GAPT: variants seen among roughly 807,000 people sequenced by gnomAD.
The protein encoded by GAPT is protein GAPT.
For synonymous variants in GAPT, 82 were observed against 69.7 expected (o/e 1.18, Z -0.88); for missense variants, 206 against 189.2 (o/e 1.09, Z -0.52).
In GAPT at chr5:58,494,822, G is replaced by C; in HGVS notation, c.286G>C (p.Val96Leu). Residue 96 changes from valine (V) to leucine (L), a missense_variant, in exon 3 of 3, where the codon GTG (valine) becomes CTG (leucine). Coordinates refer to ENST00000502276, the MANE Select transcript of GAPT (RefSeq NM_001304431.2). ...TAACACACACGACAACTATGAAAAT[G>C]TGGAAGCAGGTCCTCCCAAAGCTAA... is the stretch of plus-strand genomic sequence containing the variant. ...GNNTHDNYEN[V>L]EAGPPKAKGK... is the part of the protein sequence containing the mutation. 1 of 1,614,040 alleles carries C rather than the reference G, an allele frequency of 6.2e-7. No individual in the cohort carries two copies. The highest frequency in any genetic ancestry group is 8.5e-7 in the Non-Finnish European group (1 of 1,179,990).
Position 58,494,866 on chromosome 5 carries a change from A to T in GAPT, c.330A>T (p.Glu110Asp), listed in dbSNP as rs147191680. 8,171 of 1,613,998 alleles carry T rather than the reference A, an allele frequency of 5.1e-3. 39 individuals are homozygous for T. The highest frequency in any genetic ancestry group is 9.3e-3 in the South Asian group (847 of 91,086). The change falls in exon 3 of 3, where the codon GAA becomes GAT. Residue 110 changes from glutamate (E) to aspartate (D), a missense_variant. Glu to Asp is a conservative substitution (Grantham distance 45). Coordinates refer to ENST00000502276, the MANE Select transcript of GAPT (RefSeq NM_001304431.2). ...AAGCTAAAGGAAAAACCGATAAGGA[A>T]CTATATGAAAACACAGGGCAGTCTA... ...PPKAKGKTDK[E>D]LYENTGQSNF...
intron 1 of GAPT, among the ~76,000 whole-genome samples, chr5:58,492,898 AAT>A (rs1387381855): frequency 1.3e-5 from 2 of 152,196 alleles, no homozygotes; most frequent in Non-Finnish European, 2.9e-5. Flanking sequence ...AAAGGTAAAT[AAT>A]ATATGATTTC....
chr5:58,494,328 G>A lies in GAPT; in HGVS notation c.-209G>A, dbSNP rs949552045. The A allele has an allele frequency of 1.2e-5, 6 of 518,642 alleles. No homozygotes were observed. Among genetic ancestry groups the A allele is most frequent in the Admixed American group, 3.5e-5 (1 of 28,318 alleles). 32.1% of individuals were successfully genotyped at this position (518,642 alleles called of 1,614,324 possible). Reference sequence around the variant, plus strand: ...CTGTAATGTGAAGAGCATCACACACGAAGAGAGCCATCTTCCAGAAATAAG... The same window carrying A: ...CTGTAATGTGAAGAGCATCACACACAAAGAGAGCCATCTTCCAGAAATAAG... On this transcript the variant is annotated 5_prime_UTR_variant, in exon 3 of 3. Transcript: ENST00000502276.
chr5:58,493,247 T>C (rs2111765620), intron 1 of GAPT, among the ~76,000 whole-genome samples: 2 of 152,304 alleles, frequency 1.3e-5, no homozygotes, highest in East Asian at 1.9e-4. Flanking sequence ...ACAGGCACTG[T>C]TGGATCTATG....
Position 58,494,392 on chromosome 5 carries a change from C to T in GAPT, c.-145C>T, listed in dbSNP as rs77909786. The T allele has an allele frequency of 1.7e-5, 11 of 639,544 alleles. No homozygotes were observed. The highest frequency in any genetic ancestry group is 3.0e-5 in the Non-Finnish European group (11 of 372,592). 39.6% of individuals were successfully genotyped at this position (639,544 alleles called of 1,614,324 possible). Reference sequence around the variant, plus strand: ...TCCTCTAATTGCATCAGGACTTTACCAGATAATGTTCTTCCAGATCTGAAA... The same window carrying T: ...TCCTCTAATTGCATCAGGACTTTACTAGATAATGTTCTTCCAGATCTGAAA... On this transcript the variant is annotated 5_prime_UTR_variant, in exon 3 of 3. Coordinates refer to ENST00000502276, the MANE Select transcript of GAPT (RefSeq NM_001304431.2).
Position 58,494,779 on chromosome 5 carries a change from A to G in GAPT, c.243A>G (p.Lys81=). ...TCTCAGTTGAAACCCAAGACCACAA[A>G]TCTGCTGTCAGGGGAAATAACACAC... ...HEISVETQDH[K]SAVRGNNTHD... Residue 81 remains lysine (K), a synonymous_variant, in exon 3 of 3, where the codon AAA becomes AAG. Transcript: ENST00000502276. 1 of 1,613,990 alleles carries G rather than the reference A, an allele frequency of 6.2e-7. No individual in the cohort carries two copies. Among genetic ancestry groups the G allele is most frequent in the Non-Finnish European group, 8.5e-7 (1 of 1,179,956 alleles).
chr5:58,494,367 T>C lies in GAPT; in HGVS notation c.-170T>C, dbSNP rs1215673845. 1 of 578,306 alleles carries C rather than the reference T, an allele frequency of 1.7e-6. No individual in the cohort carries two copies. Among genetic ancestry groups the C allele is most frequent in the African/African-American group, 1.9e-5 (1 of 53,668 alleles). The allele number at this position is 578,306 out of a possible 1,614,324, so 35.8% of individuals were successfully genotyped here. On this transcript the variant is annotated 5_prime_UTR_variant, in exon 3 of 3. Transcript: ENST00000502276. ...TCCAGAAATAAGTTTATACACTCTC[T>C]CCTCTAATTGCATCAGGACTTTACC... is the stretch of plus-strand genomic sequence containing the variant.
At position 58,495,865 on chromosome 5, in the gene GAPT, A is replaced by C. The variant is rs1332493547; in HGVS notation, c.*855A>C. 2 of 166,984 alleles carry C rather than the reference A, an allele frequency of 1.2e-5. No homozygotes were observed. Among genetic ancestry groups the C allele is most frequent in the Non-Finnish European group, 2.9e-5 (2 of 68,108 alleles). 10.3% of individuals were successfully genotyped at this position (166,984 alleles called of 1,614,324 possible). On this transcript the variant is annotated 3_prime_UTR_variant, in exon 3 of 3. Coordinates refer to ENST00000502276, the MANE Select transcript of GAPT (RefSeq NM_001304431.2). The stretch of plus-strand genomic sequence containing the variant: ...AATGCCCCCTCTTTGCAAAAGACAT[A>C]ATACCCATAATTTGAACTCCAAAAT...
At chr5:58,494,215 C>A (rs1208289046) in intron 2 of GAPT, 32 bp from the exon 3 acceptor site, 5 of 225,238 alleles carry the variant, frequency 2.2e-5, no homozygotes, top group Non-Finnish European at 3.5e-5. Flanking sequence ...ATCTTCCACT[C>A]ATTTCTGCTT....
At position 58,494,743 on chromosome 5, in the gene GAPT, A is replaced by C. The variant is rs758574618; in HGVS notation, c.207A>C (p.Leu69Phe). 1 of 1,613,956 alleles carries C rather than the reference A, an allele frequency of 6.2e-7. No homozygotes were observed. Among genetic ancestry groups the C allele is most frequent in the South Asian group, 1.1e-5 (1 of 91,086 alleles). ...TCTTGGGCCCCCGCATCATTGGCTT[A>C]AGGCATGAAATCTCAGTTGAAACCC... ...KTFLGPRIIGLRHEISVETQD... is the reference protein window; with the variant it reads ...KTFLGPRIIGFRHEISVETQD... Residue 69 changes from leucine to phenylalanine, a missense_variant, in exon 3 of 3, where the codon TTA (leucine) becomes TTC (phenylalanine). Transcript: ENST00000502276.
rs77909786 is a variant in GAPT at position 58,494,392 on chromosome 5, C to G, written c.-145C>G. The G allele has an allele frequency of 7.0e-3, 4,489 of 639,544 alleles. 139 individuals carry two copies. The African/African-American group carries it at 0.074, about 10-fold the overall frequency. The allele number at this position is 639,544 out of a possible 1,614,324, so 39.6% of individuals were successfully genotyped here. On this transcript the variant is annotated 5_prime_UTR_variant, in exon 3 of 3. Coordinates refer to ENST00000502276, the MANE Select transcript of GAPT (RefSeq NM_001304431.2). ...TCCTCTAATTGCATCAGGACTTTAC[C>G]AGATAATGTTCTTCCAGATCTGAAA...
intron 1 of GAPT, among the ~76,000 whole-genome samples, chr5:58,492,394 T>C (rs1238438811): frequency 6.6e-6 from 1 of 152,164 alleles, no homozygotes; most frequent in Non-Finnish European, 1.5e-5. Context: ...TGCTCATCTG[T>C]TTCAGACAGG....
intron 1 of GAPT, among the ~76,000 whole-genome samples, chr5:58,492,230 C>G (rs530561463): frequency 2.0e-5 from 3 of 152,232 alleles, no homozygotes; most frequent in African/African-American, 7.2e-5. Flanking sequence ...CAACCCTCAC[C>G]GTGACTTCTG....
intron 1 of GAPT, among the ~76,000 whole-genome samples, chr5:58,491,756 A>G (rs565942090): frequency 2.0e-5 from 3 of 152,186 alleles, no homozygotes; most frequent in Non-Finnish European, 4.4e-5. Flanking sequence ...TCCAAACAGC[A>G]GGGCATTCTC....
Position 58,494,882 on chromosome 5 carries a change from G to A in GAPT, c.346G>A (p.Gly116Arg). ...KTDKELYENTGQSNFEEHIYG... is the reference protein window; with the variant it reads ...KTDKELYENTRQSNFEEHIYG... Reference sequence around the variant, plus strand: ...CGATAAGGAACTATATGAAAACACAGGGCAGTCTAATTTCGAGGAGCATAT... The same window carrying A: ...CGATAAGGAACTATATGAAAACACAAGGCAGTCTAATTTCGAGGAGCATAT... The change falls in exon 3 of 3, where the codon GGG (glycine) becomes AGG (arginine). Residue 116 changes from glycine to arginine, a missense_variant. Coordinates refer to ENST00000502276, the MANE Select transcript of GAPT (RefSeq NM_001304431.2). 1.2e-6 allele frequency: 2 copies of A among 1,613,880 alleles called. No individual in the cohort carries two copies. Among genetic ancestry groups the A allele is most frequent in the Non-Finnish European group, 1.7e-6 (2 of 1,179,840 alleles).
rs1466608578 is a variant in GAPT, at chr5:58,495,746, T to C, written c.*736T>C. ...CTAACTGTTCCTCCTGCTTCTAGTT[T>C]CTACCCACTCAATCAATTACCGATG... On this transcript the variant is annotated 3_prime_UTR_variant, in exon 3 of 3. Transcript: ENST00000502276. 4 of 166,230 alleles carry C rather than the reference T, an allele frequency of 2.4e-5. No individual in the cohort carries two copies. The Admixed American group carries it at 2.6e-4, about 11-fold the overall frequency. The allele number at this position is 166,230 out of a possible 1,614,324, so 10.3% of individuals were successfully genotyped here.
Position 58,496,334 on chromosome 5 carries a change from A to T in GAPT, c.*1324A>T, listed in dbSNP as rs1034753062. ...TGAGTAGTTTTGAGAAAAAAATCTA[A>T]TAAATTCATCTGTTATTCATCCATA... On this transcript the variant is annotated 3_prime_UTR_variant, in exon 3 of 3. Transcript: ENST00000502276. The T allele has an allele frequency of 1.2e-5, 2 of 166,700 alleles. No homozygotes were observed. Among genetic ancestry groups the T allele is most frequent in the African/African-American group, 2.4e-5 (1 of 41,450 alleles). 10.3% of individuals were successfully genotyped at this position (166,700 alleles called of 1,614,324 possible). A position where few individuals can be genotyped will look rare whatever the true frequency, so the allele number is the denominator to read the frequency against.
chr5:58,494,801 A>G lies in GAPT; in HGVS notation c.265A>G (p.Thr89Ala), dbSNP rs1159780812. The G allele has an allele frequency of 1.2e-6, 2 of 1,614,062 alleles. No individual in the cohort carries two copies. Among genetic ancestry groups the G allele is most frequent in the South Asian group, 1.1e-5 (1 of 91,082 alleles). The stretch of plus-strand genomic sequence containing the variant: ...CAAATCTGCTGTCAGGGGAAATAAC[A>G]CACACGACAACTATGAAAATGTGGA... Reference protein sequence around the residue: ...DHKSAVRGNNTHDNYENVEAG... With the variant: ...DHKSAVRGNNAHDNYENVEAG... The change falls in exon 3 of 3, where the codon ACA becomes GCA. Residue 89 changes from threonine to alanine, a missense_variant. Transcript: ENST00000502276.
At chr5:58,492,488 C>T (rs918288929) in intron 1 of GAPT, among the ~76,000 whole-genome samples, 6 of 152,046 alleles carry the variant, frequency 3.9e-5, no homozygotes, top group African/African-American at 7.2e-5. Context: ...AGGAGGGACC[C>T]TGCAGATTGT....
Sources: allele counts gnomAD v4.1 joint callset (sites outside exome capture counted in the v4.1 genomes callset), GRCh38; gene constraint gnomAD v4.1.1; transcripts MANE v1.5; gene names NCBI Gene and HGNC (gene_info 2026-07-23, HGNC 2026-07-21).